PTK2B: variants seen among roughly 807,000 people sequenced by gnomAD.
PTK2B encodes protein-tyrosine kinase 2-beta.
PTK2B carries 71 observed loss-of-function variants against 142.9 expected under a neutral mutation model. That is an observed-to-expected ratio of 0.50 (90% CI 0.41 to 0.61). The LOEUF (loss-of-function observed/expected upper bound fraction) is 0.61. Among genes scored for constraint, PTK2B ranks in the 20% least tolerant of loss-of-function variants. The pLI is 0.00. For missense variants in PTK2B, 1,105 were observed against 1,320.4 expected (o/e 0.84, Z 2.53); for synonymous variants, 519 against 503.4 (o/e 1.03, Z -0.42).
At chr8:27,436,461 T>TAGG in intron 15 of PTK2B, 113 bp downstream of exon 15, 1 of 849,452 alleles carries the variant, frequency 1.2e-6, no homozygotes, top group Non-Finnish European at 2.0e-6. Context: ...TGGGGCCCCT[T>TAGG]GTCCCTAAGG....
At chr8:27,326,356 C>T (rs1803419582) in intron 1 of PTK2B, among the ~76,000 whole-genome samples, 2 of 152,080 alleles carry the variant, frequency 1.3e-5, no homozygotes, top group South Asian at 2.1e-4. Context: ...TGTCAGGCTG[C>T]GCGTGGGCAC....
At chr8:27,348,833 G>A (rs866225877) in intron 1 of PTK2B, among the ~76,000 whole-genome samples, 4 of 152,048 alleles carry the variant, frequency 2.6e-5, no homozygotes, top group South Asian at 2.1e-4. Context: ...CTACTCCCAC[G>A]CAGCCCTGCC....
chr8:27,362,937 C>T (rs1038664592), intron 1 of PTK2B, among the ~76,000 whole-genome samples: 2 of 152,228 alleles, frequency 1.3e-5, no homozygotes, highest in Admixed American at 6.5e-5. Context: ...GCGGCAGTGT[C>T]ACCTCTCTGG....
intron 1 of PTK2B, among the ~76,000 whole-genome samples, chr8:27,342,361 A>G (rs1804455566): frequency 6.7e-6 from 1 of 150,040 alleles, no homozygotes; most frequent in Non-Finnish European, 1.5e-5. Flanking sequence ...ATTATAGCTC[A>G]CTTCAGTCTC....
At position 27,458,510 on chromosome 8, in the gene PTK2B, C is replaced by T. The variant is rs201288691; in HGVS notation, c.*1C>T. ...TCTGGCCCACCCACCTGCAGAGTGA[C>T]GGAGGGTGGGGGCCACCTGCCTGCG... On this transcript the variant is annotated 3_prime_UTR_variant, in exon 31 of 31. Transcript: ENST00000346049. 24 of 1,562,078 alleles carry T rather than the reference C, an allele frequency of 1.5e-5. No homozygotes were observed. The highest frequency in any genetic ancestry group is 2.1e-4 in the Middle Eastern group (1 of 4,826).
rs1320967822 is a variant in PTK2B, at chr8:27,397,777, A to T, written c.193A>T (p.Thr65Ser). The T allele has an allele frequency of 1.6e-5, 26 of 1,614,046 alleles. No individual in the cohort carries two copies. Among genetic ancestry groups the T allele is most frequent in the Non-Finnish European group, 2.1e-5 (25 of 1,179,974 alleles). The change falls in exon 2 of 31, where the codon ACG (threonine) becomes TCG (serine). Residue 65 changes from threonine (T) to serine (S), a missense_variant. Physicochemically the swap from Thr to Ser is moderately conservative, Grantham distance 58. Coordinates refer to ENST00000346049, the MANE Select transcript of PTK2B (RefSeq NM_173176.3). ...NFKLVKCTVQTEIREIITSIL... is the reference protein window; with the variant it reads ...NFKLVKCTVQSEIREIITSIL... ...CAAACTGGTCAAATGCACTGTCCAG[A>T]CGGAGATCCGGGTAAGTGTGAAGTG...
intron 1 of PTK2B, among the ~76,000 whole-genome samples, chr8:27,344,917 A>G (rs1804625046): frequency 1.5e-5 from 1 of 66,590 alleles, no homozygotes; most frequent in African/African-American, 6.0e-5. Context: ...TCATACCTGT[A>G]ATCCCAGCAC....
intron 1 of PTK2B, among the ~76,000 whole-genome samples, chr8:27,371,380 T>G (rs1212010673): frequency 6.6e-6 from 1 of 152,140 alleles, no homozygotes; most frequent in Non-Finnish European, 1.5e-5. Flanking sequence ...ACACTGGGAA[T>G]GGGCATAGCG....
intron 18 of PTK2B, 197 bp downstream of exon 18, chr8:27,438,077 C>A: frequency 1.8e-6 from 1 of 560,892 alleles, no homozygotes; most frequent in Non-Finnish European, 3.2e-6. Flanking sequence ...CTGTATGTAC[C>A]TCATGGGGTT....
At chr8:27,432,866 A>C (rs1051967803) in intron 10 of PTK2B, among the ~76,000 whole-genome samples, 2 of 151,784 alleles carry the variant, frequency 1.3e-5, no homozygotes, top group African/African-American at 4.8e-5. Context: ...TCACTCTGTC[A>C]CCCAGGCTAC....
chr8:27,432,380 T>C lies in PTK2B; in HGVS notation c.987+19T>C. On this transcript the variant is annotated intron_variant, in intron 10 of 30. Transcript: ENST00000346049. ...CCCCCAGGTGAGTGTCTCTGGGCACTGGGCACCTGGCAGCTCTGCAGGGGG... is the reference window on the plus strand; with the variant it reads ...CCCCCAGGTGAGTGTCTCTGGGCACCGGGCACCTGGCAGCTCTGCAGGGGG... 1 of 1,609,016 alleles carries C rather than the reference T, an allele frequency of 6.2e-7. No homozygotes were observed. Among genetic ancestry groups the C allele is most frequent in the Non-Finnish European group, 8.5e-7 (1 of 1,176,510 alleles).
At chr8:27,432,472 C>T in intron 10 of PTK2B, 111 bp downstream of exon 10, 4 of 978,466 alleles carry the variant, frequency 4.1e-6, no homozygotes, top group Non-Finnish European at 3.0e-6. Context: ...CCAGGAGCTT[C>T]CTGGCTTTGG....
chr8:27,438,516 C>T (rs959600674), intron 18 of PTK2B, among the ~76,000 whole-genome samples: 16 of 11,040 alleles, frequency 1.4e-3, no homozygotes, highest in African/African-American at 3.4e-3. Flanking sequence ...AGTGCCCCAT[C>T]AGAGTTAGCT....
In PTK2B at chr8:27,438,964, A is replaced by T. The variant is rs574026561; in HGVS notation, c.1644-67A>T. On this transcript the variant is annotated intron_variant, in intron 18 of 30. Coordinates refer to ENST00000346049, the MANE Select transcript of PTK2B (RefSeq NM_173176.3). ...GGTCTCTTTTTCCATCTGTCTGTCC[A>T]TCTCTCTGTTCCTGCTCCCATGGGG... is the stretch of plus-strand genomic sequence containing the variant. 41 of 1,396,234 alleles carry T rather than the reference A, an allele frequency of 2.9e-5. No individual in the cohort carries two copies. In the African/African-American group the frequency reaches 4.5e-4, roughly 15 times the overall value. 86.5% of individuals were successfully genotyped at this position (1,396,234 alleles called of 1,614,324 possible).
chr8:27,457,807 T>C (rs956547825), intron 30 of PTK2B, among the ~76,000 whole-genome samples: 13 of 152,054 alleles, frequency 8.5e-5, no homozygotes, highest in Non-Finnish European at 1.5e-4. Context: ...AAACCCCATC[T>C]CTACTAAAAA....
intron 1 of PTK2B, among the ~76,000 whole-genome samples, chr8:27,387,702 C>CT (rs1488541407): frequency 1.3e-5 from 2 of 152,110 alleles, no homozygotes; most frequent in Non-Finnish European, 2.9e-5. Context: ...ACTACATTAA[C>CT]TTTTTTTGGC....
At chr8:27,337,682 T>C (rs199816766) in intron 1 of PTK2B, among the ~76,000 whole-genome samples, 2 of 152,260 alleles carry the variant, frequency 1.3e-5, no homozygotes, top group East Asian at 3.8e-4. Flanking sequence ...GTAACATCTA[T>C]TAGTACTTCG....
In PTK2B at chr8:27,351,018, TATATATATATATATATATATATAC is replaced by T. The variant is rs1479941556; in HGVS notation, c.-38+25338_-38+25361del. Among the ~76,000 whole-genome samples the T allele has an allele frequency of 3.5e-3, 179 of 51,650 alleles. 6 individuals are homozygous for T. Among genetic ancestry groups the T allele is most frequent in the East Asian group, 0.026 (52 of 2,022 alleles). The allele number at this position is 51,650 out of a possible 152,430, so 33.9% of individuals were successfully genotyped here. A position where few individuals can be genotyped will look rare whatever the true frequency, so the allele number is the denominator to read the frequency against. On this transcript the variant is annotated intron_variant, in intron 1 of 30. Transcript: ENST00000346049. ...ATATATATATATATATATATATATA[TATATATATATATATATATATATAC>T]GTGCTTGGAGCAGGCACAGTGGTGC...
In PTK2B at chr8:27,451,580, C is replaced by A. The variant is rs552646747; in HGVS notation, c.2548+71C>A. On this transcript the variant is annotated intron_variant, in intron 27 of 30. Transcript: ENST00000346049. ...GTGCAGAGCCACCATCCTTGCCCAC[C>A]GCCCAGGGCAGGGAGCAGCGGAGTC... 2.5e-5 allele frequency: 41 copies of A among 1,611,212 alleles called. No homozygotes were observed. The African/African-American group carries it at 4.1e-4, about 16-fold the overall frequency.
Sources: gnomAD v4.1 joint callset for allele counts (sites outside exome capture counted in the v4.1 genomes callset) on GRCh38, gnomAD v4.1.1 for gene constraint, MANE v1.5 for transcripts, NCBI Gene and HGNC (gene_info 2026-07-23, HGNC 2026-07-21) for gene names.